PPFIBP1: variants seen among roughly 807,000 people sequenced by gnomAD.
PPFIBP1 encodes the protein PPFIB scaffold protein 1.
A neutral mutation model predicts 137.8 loss-of-function variants in PPFIBP1; 112 were observed. That is an observed-to-expected ratio of 0.81 (90% CI 0.70 to 0.95). PPFIBP1 has a LOEUF of 0.95. Ranked by LOEUF, PPFIBP1 falls within the 40% of genes least tolerant of loss-of-function variation. The probability of loss-of-function intolerance (pLI) is 0.00; values close to 1 mark genes in which losing one functional copy is unlikely to be tolerated. For synonymous variants in PPFIBP1, 378 were observed against 417.3 expected, an observed-to-expected ratio of 0.91 and a Z score of 1.15; for missense variants, 1,083 against 1,196.6, an observed-to-expected ratio of 0.91 and a Z score of 1.40.
intron 19 of PPFIBP1, among the ~76,000 whole-genome samples, chr12:27,679,114 G>A (rs2060731040): frequency 6.6e-6 from 1 of 152,120 alleles, no homozygotes; most frequent in African/African-American, 2.4e-5. Flanking sequence ...GATGACAGAT[G>A]TAGGAGAGTG....
At chr12:27,587,808 C>T (rs1248086710) in intron 2 of PPFIBP1, among the ~76,000 whole-genome samples, 2 of 152,010 alleles carry the variant, frequency 1.3e-5, no homozygotes, top group Admixed American at 1.3e-4. Context: ...CACTTCTACC[C>T]TTAAATATTT....
intron 11 of PPFIBP1, among the ~76,000 whole-genome samples, chr12:27,661,919 T>TA (rs886554487): frequency 4.6e-5 from 7 of 151,180 alleles, no homozygotes; most frequent in African/African-American, 1.5e-4. Context: ...CACTATTGAA[T>TA]AAAAAAAAAG....
At chr12:27,646,744 G>A (rs1593103567) in intron 5 of PPFIBP1, among the ~76,000 whole-genome samples, 1 of 152,210 alleles carries the variant, frequency 6.6e-6, no homozygotes, top group Middle Eastern at 3.4e-3. Flanking sequence ...CTAAATTTGA[G>A]TTTGCTTCTT....
intron 1 of PPFIBP1, among the ~76,000 whole-genome samples, chr12:27,550,992 T>TATATATATA (rs1491167502): frequency 0.01 from 908 of 88,916 alleles, 5 homozygotes; most frequent in Middle Eastern, 0.058. Flanking sequence ...TATATATATA[T>TATATATATA]TTTTTTTTTT....
At chr12:27,549,555 A>G (rs1477316750) in intron 1 of PPFIBP1, 1 of 149,876 alleles carries the variant, frequency 6.7e-6, no homozygotes, top group Non-Finnish European at 1.5e-5. Context: ...CTTTTGAAGA[A>G]CCAGAATTAA....
Position 27,694,834 on chromosome 12 carries a change from C to G in PPFIBP1, c.*1952C>G, listed in dbSNP as rs1181517553. ...GGGCGGTTCAGTATCTGCCACTGGA[C>G]TTGATTATAAACTGTATTTGAATAT... On this transcript the variant is annotated 3_prime_UTR_variant, in exon 30 of 30. Coordinates refer to ENST00000228425, the MANE Select transcript of PPFIBP1 (RefSeq NM_003622.4). The G allele has an allele frequency of 6.6e-6, 1 of 152,162 alleles. No individual in the cohort carries two copies. Among genetic ancestry groups the G allele is most frequent in the Non-Finnish European group, 1.5e-5 (1 of 68,046 alleles). The allele number at this position is 152,162 out of a possible 1,614,324, so 9.4% of individuals were successfully genotyped here.
At chr12:27,527,697 A>G (rs1308721155) in intron 1 of PPFIBP1, among the ~76,000 whole-genome samples, 2 of 152,192 alleles carry the variant, frequency 1.3e-5, no homozygotes, top group African/African-American at 4.8e-5. Context: ...GCGAAAACAT[A>G]GGCAAGAAAT....
intron 6 of PPFIBP1, 33 bp from the exon 7 acceptor site, chr12:27,649,977 G>C: frequency 6.3e-7 from 1 of 1,576,370 alleles, no homozygotes; most frequent in Middle Eastern, 2.2e-4. Context: ...TATAATAAAA[G>C]ACTTCTTGAA....
intron 2 of PPFIBP1, among the ~76,000 whole-genome samples, chr12:27,621,123 G>C (rs1386112573): frequency 2.0e-5 from 3 of 152,226 alleles, no homozygotes; most frequent in Non-Finnish European, 4.4e-5. Flanking sequence ...GTTAGGGAAG[G>C]GGCTGGAAAC....
chr12:27,660,615 T>G (rs1289641632), intron 10 of PPFIBP1, among the ~76,000 whole-genome samples: 1 of 152,208 alleles, frequency 6.6e-6, no homozygotes, highest in African/African-American at 2.4e-5. Context: ...TCATGAAGAT[T>G]CTCTTGTTGC....
intron 27 of PPFIBP1, among the ~76,000 whole-genome samples, chr12:27,689,628 A>G (rs2061406571): frequency 6.6e-6 from 1 of 151,590 alleles, no homozygotes; most frequent in Non-Finnish European, 1.5e-5. Flanking sequence ...AGCTCTCACC[A>G]CTGTGTTAAG....
At chr12:27,581,226 G>A (rs1485207103) in intron 2 of PPFIBP1, among the ~76,000 whole-genome samples, 1 of 152,118 alleles carries the variant, frequency 6.6e-6, no homozygotes, top group Non-Finnish European at 1.5e-5. Context: ...CTGGCAGGTG[G>A]CACGTATATG....
Position 27,681,614 on chromosome 12 carries a change from T to G in PPFIBP1, c.1964T>G (p.Leu655Trp). The change falls in exon 22 of 30, where the codon TTG (leucine) becomes TGG (tryptophan). Residue 655 changes from leucine (L) to tryptophan (W), a missense_variant. Transcript: ENST00000228425. ...QVCNWLMEQG[L>W]GSYLNSGKHW... ...TGCAATTGGCTGATGGAACAGGGCT[T>G]GGGCTCGTACCTGAATTCTGGCAAG... is the stretch of plus-strand genomic sequence containing the variant. 1.9e-6 allele frequency: 3 copies of G among 1,614,200 alleles called. No homozygotes were observed. The highest frequency in any genetic ancestry group is 2.5e-6 in the Non-Finnish European group (3 of 1,180,014).
intron 19 of PPFIBP1, among the ~76,000 whole-genome samples, chr12:27,678,817 A>G (rs530917972): frequency 7.1e-6 from 1 of 141,806 alleles, no homozygotes. Flanking sequence ...AGATCATGTC[A>G]CTGCACTCCA....
intron 11 of PPFIBP1, 82 bp downstream of exon 11, chr12:27,661,027 C>A: frequency 6.4e-7 from 1 of 1,554,174 alleles, no homozygotes; most frequent in Non-Finnish European, 8.7e-7. Context: ...TGAGCTATGC[C>A]ATTTTAAAAG....
intron 1 of PPFIBP1, among the ~76,000 whole-genome samples, chr12:27,528,570 C>A (rs993358745): frequency 3.9e-5 from 6 of 152,128 alleles, no homozygotes; most frequent in Non-Finnish European, 7.4e-5. Context: ...TTCCACCCTA[C>A]AAAATACATA....
chr12:27,592,568 G>T, intron 2 of PPFIBP1: 1 of 1,429,832 alleles, frequency 7.0e-7, no homozygotes. Context: ...GCTTTCACAG[G>T]ATGATACCTC....
intron 1 of PPFIBP1, among the ~76,000 whole-genome samples, chr12:27,544,082 G>C (rs570832911): frequency 2.6e-5 from 4 of 152,042 alleles, no homozygotes; most frequent in Non-Finnish European, 4.4e-5. Context: ...AGGTCTGGCT[G>C]TATTATCCAG....
At chr12:27,650,867 A>G (rs554942726) in intron 7 of PPFIBP1, among the ~76,000 whole-genome samples, 6 of 152,346 alleles carry the variant, frequency 3.9e-5, no homozygotes, top group South Asian at 2.1e-4. Context: ...TGAAACATAC[A>G]TTTGAAATGA....
Sources: gnomAD v4.1 joint callset for allele counts (sites outside exome capture counted in the v4.1 genomes callset) on GRCh38, gnomAD v4.1.1 for gene constraint, MANE v1.5 for transcripts, NCBI Gene and HGNC (gene_info 2026-07-23, HGNC 2026-07-21) for gene names.